Variants in SEMA5B observed in about 807,000 individuals in gnomAD.
The protein encoded by SEMA5B is semaphorin-5B.
In SEMA5B, 66 loss-of-function variants were observed where a neutral mutation model predicts 135.0. The ratio of observed to expected loss-of-function variants is 0.49; its 90% CI spans 0.40 to 0.60. The LOEUF (loss-of-function observed/expected upper bound fraction) is 0.60. Ranked by LOEUF, SEMA5B falls within the 20% of genes least tolerant of loss-of-function variation. SEMA5B has a pLI of 0.00. For missense variants in SEMA5B, 1,501 were observed against 1,566.3 expected (o/e 0.96, Z 0.70); for synonymous variants, 690 against 639.5 (o/e 1.08, Z -1.19).
intron 1 of SEMA5B, among the ~76,000 whole-genome samples, chr3:122,999,870 C>T (rs1942128254): frequency 1.3e-5 from 2 of 152,070 alleles, no homozygotes; most frequent in Admixed American, 1.3e-4. Flanking sequence ...GCTATGGGGA[C>T]AGAGAGAAAA....
At chr3:123,013,406 T>C (rs1942482502) in intron 1 of SEMA5B, among the ~76,000 whole-genome samples, 1 of 152,228 alleles carries the variant, frequency 6.6e-6, no homozygotes, top group African/African-American at 2.4e-5. Context: ...ACTTGGTACC[T>C]TGAGGTCCCA....
chr3:123,022,365 C>T (rs1298540654), intron 1 of SEMA5B, among the ~76,000 whole-genome samples: 1 of 152,240 alleles, frequency 6.6e-6, no homozygotes, highest in Non-Finnish European at 1.5e-5. Flanking sequence ...GACAAGGCTT[C>T]AAATTCAAAC....
intron 1 of SEMA5B, among the ~76,000 whole-genome samples, chr3:123,015,924 G>A (rs1942543776): frequency 6.6e-6 from 1 of 152,152 alleles, no homozygotes; most frequent in Non-Finnish European, 1.5e-5. Context: ...GCGATGTCTG[G>A]GCCTCAAGAC....
chr3:122,990,613 GCA>G (rs149231438), intron 1 of SEMA5B, among the ~76,000 whole-genome samples: 20 of 150,800 alleles, frequency 1.3e-4, no homozygotes, highest in Middle Eastern at 3.4e-3. Context: ...ACATACATGT[GCA>G]CACACACACA....
intron 2 of SEMA5B, among the ~76,000 whole-genome samples, chr3:122,956,916 G>A (rs929435677): frequency 3.3e-5 from 5 of 152,150 alleles, no homozygotes; most frequent in Non-Finnish European, 5.9e-5. Flanking sequence ...CGTAGAAGGC[G>A]GAACTCTCTT....
At chr3:122,965,044 G>A (rs1940759120) in intron 1 of SEMA5B, among the ~76,000 whole-genome samples, 1 of 152,142 alleles carries the variant, frequency 6.6e-6, no homozygotes. Context: ...GGACAGTAGG[G>A]TAGCTTTGTG....
chr3:122,935,895 G>A (rs771485735), intron 5 of SEMA5B, among the ~76,000 whole-genome samples: 3 of 151,696 alleles, frequency 2.0e-5, no homozygotes, highest in Non-Finnish European at 2.9e-5. Flanking sequence ...GTTTCACCAC[G>A]TTGGCCAGGC....
chr3:122,931,983 C>T (rs922374975), intron 5 of SEMA5B, among the ~76,000 whole-genome samples: 2 of 152,214 alleles, frequency 1.3e-5, no homozygotes, highest in African/African-American at 2.4e-5. Flanking sequence ...CAAGACTGCA[C>T]CTGGCTGAAT....
At chr3:123,010,639 T>C (rs1009191373) in intron 1 of SEMA5B, among the ~76,000 whole-genome samples, 2 of 151,722 alleles carry the variant, frequency 1.3e-5, no homozygotes, top group African/African-American at 4.8e-5. Context: ...TGAAACCCCA[T>C]CTCTACTAAA....
intron 2 of SEMA5B, among the ~76,000 whole-genome samples, chr3:122,951,321 A>G (rs1391093384): frequency 1.3e-5 from 2 of 152,254 alleles, no homozygotes; most frequent in African/African-American, 4.8e-5. Flanking sequence ...AAATAAAACA[A>G]AACTAATCTT....
intron 22 of SEMA5B, among the ~76,000 whole-genome samples, 170 bp from the exon 23 acceptor site, chr3:122,910,471 C>G (rs1377340478): frequency 6.6e-6 from 1 of 152,102 alleles, no homozygotes; most frequent in Non-Finnish European, 1.5e-5. Context: ...GGCCAGAACC[C>G]CTGCACTCTT....
rs374004858 is a variant in SEMA5B at position 122,923,980 on chromosome 3, GCCTC to G, written c.1137-232_1137-229del. Among the ~76,000 whole-genome samples the G allele has an allele frequency of 2.2e-4, 34 of 152,076 alleles. 1 individual carries two copies. The highest frequency in any genetic ancestry group is 8.2e-4 in the African/African-American group (34 of 41,492). On this transcript the variant is annotated intron_variant, in intron 9 of 22. Transcript: ENST00000357599. ...CACTGGTGAATCCTTCTGTGCTACTGCCTCCCTCCCTCCCTCCCTTATTCGGGGG... is the reference window on the plus strand; with the variant it reads ...CACTGGTGAATCCTTCTGTGCTACTGCCTCCCTCCCTCCCTTATTCGGGGG...
chr3:122,925,948 C>T (rs1441305394), intron 9 of SEMA5B, among the ~76,000 whole-genome samples: 8 of 152,112 alleles, frequency 5.3e-5, no homozygotes, highest in Non-Finnish European at 4.4e-5. Flanking sequence ...CCTGGTTTTC[C>T]AGCACAGTCT....
At chr3:122,925,907 C>T (rs985095122) in intron 9 of SEMA5B, among the ~76,000 whole-genome samples, 13 of 152,046 alleles carry the variant, frequency 8.6e-5, no homozygotes, top group Non-Finnish European at 1.5e-4. Context: ...CGTCCTCACA[C>T]CTAGGAAGCA....
chr3:122,936,416 C>T (rs1316493549), intron 5 of SEMA5B, among the ~76,000 whole-genome samples: 2 of 152,042 alleles, frequency 1.3e-5, no homozygotes, highest in South Asian at 2.1e-4. Context: ...GCTTGGAGGA[C>T]GTGGAGATAA....
At chr3:122,959,317 G>A (rs1192147827) in intron 2 of SEMA5B, among the ~76,000 whole-genome samples, 1 of 152,182 alleles carries the variant, frequency 6.6e-6, no homozygotes, top group Non-Finnish European at 1.5e-5. Flanking sequence ...AGGTCAGACT[G>A]GTAAAAGCTG....
intron 2 of SEMA5B, among the ~76,000 whole-genome samples, chr3:122,956,029 G>A (rs560253825): frequency 6.6e-5 from 10 of 152,292 alleles, no homozygotes; most frequent in African/African-American, 1.4e-4. Context: ...CACAGACAGC[G>A]ACCCATGGCC....
chr3:122,922,454 C>T lies in SEMA5B; in HGVS notation c.1273-7G>A, dbSNP rs980969525. ...TCTCAGGCAGGGTGCCACACTGCCG[C>T]GGGGAGCCAGGTCACGCGCGCCCCG... is the stretch of plus-strand genomic sequence containing the variant. On this transcript the variant is annotated splice_polypyrimidine_tract_variant and splice_region_variant and intron_variant, in intron 10 of 22. Transcript: ENST00000357599. The T allele has an allele frequency of 5.0e-6, 8 of 1,585,924 alleles. No homozygotes were observed. Among genetic ancestry groups the T allele is most frequent in the African/African-American group, 2.7e-5 (2 of 74,270 alleles).
At chr3:123,006,655 C>T (rs984247106) in intron 1 of SEMA5B, among the ~76,000 whole-genome samples, 1 of 152,168 alleles carries the variant, frequency 6.6e-6, no homozygotes, top group Admixed American at 6.5e-5. Context: ...GGAACAGGCA[C>T]TCAGGAGGCT....
Sources: allele counts gnomAD v4.1 joint callset (sites outside exome capture counted in the v4.1 genomes callset), GRCh38; gene constraint gnomAD v4.1.1; transcripts MANE v1.5; gene names NCBI Gene and HGNC (gene_info 2026-07-23, HGNC 2026-07-21).